Variants in LIPH observed in about 807,000 individuals in gnomAD.
The protein encoded by LIPH is lipase H.
A neutral mutation model predicts 47.6 loss-of-function variants in LIPH; 32 were observed. The ratio of observed to expected loss-of-function variants is 0.67; its 90% CI spans 0.51 to 0.90. The LOEUF (loss-of-function observed/expected upper bound fraction) is 0.90. LIPH is among the 40% of genes least tolerant of loss of function. The pLI is 0.00. For missense variants in LIPH, 497 were observed against 541.4 expected (o/e 0.92, Z 0.81); for synonymous variants, 190 against 195.6 (o/e 0.97, Z 0.24).
At chr3:185,533,721 C>T (rs763031296) in intron 2 of LIPH, 42 bp from the exon 3 acceptor site, 4 of 1,266,668 alleles carry the variant, frequency 3.2e-6, no homozygotes, top group Admixed American at 3.4e-5. Flanking sequence ...TGTAAGGGGC[C>T]AAGGAATTAA....
rs144330921 is a variant in LIPH at position 185,523,858 on chromosome 3, G to A, written c.718+213C>T. Among the ~76,000 whole-genome samples, 10,823 of 151,924 alleles carry A rather than the reference G, an allele frequency of 0.071. 600 individuals carry two copies. The highest frequency in any genetic ancestry group is 0.15 in the African/African-American group (6,359 of 41,394). On this transcript the variant is annotated intron_variant, in intron 5 of 9. Transcript: ENST00000296252. ...TTGCCTCAGCCTCCCGAGTAGCTGG[G>A]ACTACAGGCATGCGTCACCACACCT... is the stretch of plus-strand genomic sequence containing the variant.
chr3:185,519,192 C>T lies in LIPH; in HGVS notation c.836G>A (p.Gly279Asp), dbSNP rs1235968992. The T allele has an allele frequency of 1.9e-6, 3 of 1,613,852 alleles. No homozygotes were observed. The highest frequency in any genetic ancestry group is 1.6e-4 in the Middle Eastern group (1 of 6,084). Residue 279 changes from glycine (G) to aspartate (D), a missense_variant, in exon 6 of 10, where the codon GGC (glycine) becomes GAC (aspartate). Physicochemically the swap from Gly to Asp is moderately conservative, Grantham distance 94. Transcript: ENST00000296252. ...PCDSYQDYRN[G>D]KCVSCGTSQK... ...TGACGTGCCGCAGCTGACACACTTG[C>T]CATTCCTATAATCCTGGTAGGAGTC...
chr3:185,522,367 T>C (rs1208160924), intron 5 of LIPH, among the ~76,000 whole-genome samples: 1 of 151,858 alleles, frequency 6.6e-6, no homozygotes, highest in Non-Finnish European at 1.5e-5. Context: ...GTTATTGCTG[T>C]CAGGTGTAGC....
chr3:185,520,647 C>G (rs138729176), intron 5 of LIPH, among the ~76,000 whole-genome samples: 1 of 152,214 alleles, frequency 6.6e-6, no homozygotes, highest in African/African-American at 2.4e-5. Flanking sequence ...ATGGAGCTCT[C>G]TCACTCCCCT....
chr3:185,519,252 A>G lies in LIPH; in HGVS notation c.776T>C (p.Leu259Pro), dbSNP rs770909511. Reference protein sequence around the residue: ...QRSVYLYLSSLRESCTITAYP... With the variant: ...QRSVYLYLSSPRESCTITAYP... ...CGCAGTGATGGTGCAGCTCTCTCTC[A>G]GGGAAGACAGGTACAGGTATACAGA... Residue 259 changes from leucine to proline, a missense_variant, in exon 6 of 10, where the codon CTG becomes CCG. Leu to Pro is a moderately conservative substitution (Grantham distance 98). Coordinates refer to ENST00000296252, the MANE Select transcript of LIPH (RefSeq NM_139248.3). The G allele has an allele frequency of 3.1e-6, 5 of 1,612,780 alleles. No individual in the cohort carries two copies. The highest frequency in any genetic ancestry group is 1.6e-4 in the Middle Eastern group (1 of 6,072).
At chr3:185,528,960 G>C (rs1482901179) in intron 3 of LIPH, among the ~76,000 whole-genome samples, 1 of 146,736 alleles carries the variant, frequency 6.8e-6, no homozygotes, top group African/African-American at 2.5e-5. Context: ...ACAGGAGATT[G>C]AGACCATCCT....
At chr3:185,534,140 G>A (rs545195409) in intron 2 of LIPH, among the ~76,000 whole-genome samples, 2 of 152,056 alleles carry the variant, frequency 1.3e-5, no homozygotes, top group African/African-American at 2.4e-5. Context: ...GGTGGATCAC[G>A]AGGTCAGGAG....
At chr3:185,514,323 T>C in intron 8 of LIPH, 87 bp downstream of exon 8, 1 of 762,776 alleles carries the variant, frequency 1.3e-6, no homozygotes, top group Non-Finnish European at 2.4e-6. Context: ...CATAGATCTA[T>C]AAATAAGAAA....
At chr3:185,530,744 T>C (rs1314210909) in intron 3 of LIPH, among the ~76,000 whole-genome samples, 1 of 152,028 alleles carries the variant, frequency 6.6e-6, no homozygotes, top group African/African-American at 2.4e-5. Flanking sequence ...GAATAAAACA[T>C]CTGAACCAGG....
chr3:185,508,902 T>C (rs1719467738), intron 9 of LIPH, 25 bp from the exon 10 acceptor site: 3 of 1,386,142 alleles, frequency 2.2e-6, no homozygotes, highest in East Asian at 2.3e-5. Context: ...CAAAATATCC[T>C]TGTAAATGAA....
chr3:185,543,846 CTTTTT>C (rs57080060), intron 1 of LIPH, among the ~76,000 whole-genome samples: 3 of 108,728 alleles, frequency 2.8e-5, no homozygotes, highest in Admixed American at 1.0e-4. Context: ...CTGGCTCTTG[CTTTTT>C]TTTTTTTTTT....
chr3:185,508,837 C>T lies in LIPH; in HGVS notation c.1309G>A (p.Val437Ile). 3.7e-6 allele frequency: 6 copies of T among 1,613,926 alleles called. No homozygotes were observed. Among genetic ancestry groups the T allele is most frequent in the South Asian group, 1.1e-5 (1 of 91,076 alleles). ...AGAATAGGTTGGAAGACTGTTTCAA[C>T]GTTTTCCATCAGGACAAGATCATAC... ...CRYDLVLMENVETVFQPILCP... is the reference protein window; with the variant it reads ...CRYDLVLMENIETVFQPILCP... The change falls in exon 10 of 10, where the codon GTT becomes ATT. Residue 437 changes from valine to isoleucine, a missense_variant. Physicochemically the swap from Val to Ile is conservative, Grantham distance 29. Coordinates refer to ENST00000296252, the MANE Select transcript of LIPH (RefSeq NM_139248.3).
At chr3:185,545,643 T>C (rs1287120086) in intron 1 of LIPH, among the ~76,000 whole-genome samples, 1 of 152,176 alleles carries the variant, frequency 6.6e-6, no homozygotes, top group African/African-American at 2.4e-5. Context: ...TCCCAGCACT[T>C]TGGGAGGGTC....
intron 1 of LIPH, among the ~76,000 whole-genome samples, chr3:185,550,913 C>T (rs760546231): frequency 2.3e-4 from 35 of 152,014 alleles, no homozygotes; most frequent in Non-Finnish European, 4.3e-4. Flanking sequence ...AGGCCGGGCG[C>T]GGTGGCTCAC....
chr3:185,546,912 TCTGA>T, intron 1 of LIPH: 2 of 454,072 alleles, frequency 4.4e-6, no homozygotes, highest in Non-Finnish European at 8.8e-6. Context: ...TTCCCATATT[TCTGA>T]CTGGAGAAAA....
chr3:185,541,851 G>C (rs1035322873), intron 1 of LIPH, among the ~76,000 whole-genome samples: 1 of 151,812 alleles, frequency 6.6e-6, no homozygotes, highest in African/African-American at 2.4e-5. Context: ...CCGCCTCTCA[G>C]GTTCAAGCAA....
At chr3:185,538,798 C>CACACATATAT (rs1720593570) in intron 1 of LIPH, among the ~76,000 whole-genome samples, 1 of 5,670 alleles carries the variant, frequency 1.8e-4, no homozygotes, top group Non-Finnish European at 6.8e-4. Context: ...TACATATATA[C>CACACATATAT]ACACATATAT....
intron 8 of LIPH, 37 bp downstream of exon 8, chr3:185,514,373 G>A (rs781588269): frequency 4.6e-6 from 4 of 873,036 alleles, no homozygotes; most frequent in Non-Finnish European, 7.9e-6. Flanking sequence ...AGCAAAAAGG[G>A]AAATAGCGCA....
intron 1 of LIPH, among the ~76,000 whole-genome samples, chr3:185,544,344 T>TTTTTG (rs1553826311): frequency 1.3e-5 from 2 of 151,820 alleles, no homozygotes; most frequent in East Asian, 1.9e-4. Flanking sequence ...CTGTTGTTTT[T>TTTTTG]TTTTGTTTTG....
Sources: allele counts gnomAD v4.1 joint callset (sites outside exome capture counted in the v4.1 genomes callset), GRCh38; gene constraint gnomAD v4.1.1; transcripts MANE v1.5; gene names NCBI Gene and HGNC (gene_info 2026-07-23, HGNC 2026-07-21).